The following UBE2H variants were observed in gnomAD, a reference collection of about 807,000 sequenced individuals.
UBE2H encodes the protein ubiquitin-conjugating enzyme E2 H.
UBE2H carries 3 observed loss-of-function variants against 29.0 expected under a neutral mutation model. The observed-to-expected ratio is 0.10, with a 90% CI of 0.05 to 0.27. The LOEUF (loss-of-function observed/expected upper bound fraction) is 0.27. Among genes scored for constraint, UBE2H ranks in the 10% least tolerant of loss-of-function variants. The probability of loss-of-function intolerance (pLI) is 1.00; values close to 1 mark genes in which losing one functional copy is unlikely to be tolerated. For synonymous variants in UBE2H, 69 were observed against 82.9 expected, an observed-to-expected ratio of 0.83 and a Z score of 0.91; for missense variants, 68 against 228.2, an observed-to-expected ratio of 0.30 and a Z score of 4.52.
intron 1 of UBE2H, among the ~76,000 whole-genome samples, chr7:129,902,902 G>A (rs541775284): frequency 3.3e-4 from 51 of 152,258 alleles, no homozygotes; most frequent in East Asian, 1.9e-4. Context: ...ATGTTACATC[G>A]TTTAATCCTC....
chr7:129,842,450 AAAT>A (rs1805445203), intron 5 of UBE2H, among the ~76,000 whole-genome samples: 1 of 152,218 alleles, frequency 6.6e-6, no homozygotes, highest in African/African-American at 2.4e-5. Flanking sequence ...AATAAAATAA[AAAT>A]AACATTTTCC....
At chr7:129,931,206 A>G (rs1807387657) in intron 1 of UBE2H, among the ~76,000 whole-genome samples, 1 of 148,700 alleles carries the variant, frequency 6.7e-6, no homozygotes. Context: ...GGGCAACAAG[A>G]GCAAAACCCT....
intron 1 of UBE2H, among the ~76,000 whole-genome samples, chr7:129,915,496 T>C (rs1035851807): frequency 3.9e-5 from 6 of 152,296 alleles, no homozygotes; most frequent in Non-Finnish European, 7.4e-5. Context: ...ATTGCGCCAC[T>C]GCACTCCAGC....
At chr7:129,920,118 T>G (rs1408364633) in intron 1 of UBE2H, among the ~76,000 whole-genome samples, 2 of 152,236 alleles carry the variant, frequency 1.3e-5, no homozygotes, top group Non-Finnish European at 2.9e-5. Context: ...GAAGGGATAT[T>G]TATTCATATC....
chr7:129,940,726 C>T (rs903577754), intron 1 of UBE2H, among the ~76,000 whole-genome samples: 1 of 152,286 alleles, frequency 6.6e-6, no homozygotes, highest in East Asian at 1.9e-4. Context: ...GCAGATACCC[C>T]CTTGAGCACC....
At chr7:129,912,084 G>A (rs1234735824) in intron 1 of UBE2H, among the ~76,000 whole-genome samples, 2 of 152,148 alleles carry the variant, frequency 1.3e-5, no homozygotes, top group African/African-American at 4.8e-5. Context: ...AATTTAAAAT[G>A]TTCCTTCAGT....
At chr7:129,845,324 AC>A in intron 5 of UBE2H, among the ~76,000 whole-genome samples, 2 of 152,326 alleles carry the variant, frequency 1.3e-5, no homozygotes, top group Admixed American at 1.3e-4. Context: ...TGTGTGTGAT[AC>A]AGACATCTGT....
chr7:129,949,109 C>A, intron 1 of UBE2H: 1 of 447,360 alleles, frequency 2.2e-6, no homozygotes. Flanking sequence ...GCCACTGGTT[C>A]ACAGATGAAA....
At chr7:129,925,331 A>G (rs1807244271) in intron 1 of UBE2H, among the ~76,000 whole-genome samples, 1 of 151,988 alleles carries the variant, frequency 6.6e-6, no homozygotes, top group Non-Finnish European at 1.5e-5. Context: ...TGGGCAACAG[A>G]GCAAGACTCA....
intron 1 of UBE2H, among the ~76,000 whole-genome samples, chr7:129,889,663 G>T (rs562640007): frequency 1.3e-5 from 2 of 152,246 alleles, no homozygotes; most frequent in African/African-American, 4.8e-5. Context: ...GTTCACAGAA[G>T]AGTACCCAGC....
At chr7:129,876,509 T>C (rs1206373510) in intron 3 of UBE2H, among the ~76,000 whole-genome samples, 1 of 152,218 alleles carries the variant, frequency 6.6e-6, no homozygotes, top group Non-Finnish European at 1.5e-5. Context: ...TTCAGCGATG[T>C]TATAGTTGAT....
rs148364173 is a variant in UBE2H at position 129,852,461 on chromosome 7, C to T, written c.298+5050G>A. On this transcript the variant is annotated intron_variant, in intron 5 of 6. Transcript: ENST00000355621. ...CAGCCTGGGCGACAGAGCGAGACTC[C>T]GTCTCAAAAAAAAAAAAAAATTTGT... Among the ~76,000 whole-genome samples, 250 of 141,048 alleles carry T rather than the reference C, an allele frequency of 1.8e-3. 2 individuals carry two copies. The highest frequency in any genetic ancestry group is 0.016 in the South Asian group (75 of 4,626). 92.5% of individuals were successfully genotyped at this position (141,048 alleles called of 152,430 possible). A position where few individuals can be genotyped will look rare whatever the true frequency, so the allele number is the denominator to read the frequency against.
intron 1 of UBE2H, among the ~76,000 whole-genome samples, chr7:129,947,023 C>T (rs1371814617): frequency 2.0e-5 from 3 of 147,032 alleles, no homozygotes; most frequent in Non-Finnish European, 4.5e-5. Flanking sequence ...GGTCAAGGGG[C>T]TAAGAAAATT....
intron 1 of UBE2H, among the ~76,000 whole-genome samples, chr7:129,897,253 A>T (rs573025523): frequency 1.3e-5 from 2 of 152,342 alleles, no homozygotes; most frequent in Admixed American, 1.3e-4. Flanking sequence ...TCAAATACCT[A>T]TAAATCCAGA....
chr7:129,885,294 CTTAAA>C (rs2116383917), intron 1 of UBE2H, among the ~76,000 whole-genome samples: 1 of 152,272 alleles, frequency 6.6e-6, no homozygotes, highest in Non-Finnish European at 1.5e-5. Flanking sequence ...CAAAAGAAGT[CTTAAA>C]TTAATTTTAT....
chr7:129,939,369 T>C (rs1807596393), intron 1 of UBE2H, among the ~76,000 whole-genome samples: 1 of 152,152 alleles, frequency 6.6e-6, no homozygotes. Context: ...AGTTTCCTTC[T>C]TTCGGAATAC....
At chr7:129,922,958 G>A (rs1388411003) in intron 1 of UBE2H, among the ~76,000 whole-genome samples, 2 of 151,914 alleles carry the variant, frequency 1.3e-5, no homozygotes, top group East Asian at 1.9e-4. Context: ...TTGGAGTGCA[G>A]TGGCATGATC....
At chr7:129,948,009 C>T (rs1429260566) in intron 1 of UBE2H, among the ~76,000 whole-genome samples, 2 of 152,142 alleles carry the variant, frequency 1.3e-5, no homozygotes, top group African/African-American at 2.4e-5. Context: ...CGCACCATCA[C>T]GCCTGGCTAA....
intron 3 of UBE2H, among the ~76,000 whole-genome samples, chr7:129,861,830 G>C (rs911841551): frequency 1.3e-5 from 2 of 152,192 alleles, no homozygotes; most frequent in African/African-American, 4.8e-5. Context: ...GGTGGCTGCA[G>C]TGAGCCGAGA....
Sources: gnomAD v4.1 joint callset for allele counts (sites outside exome capture counted in the v4.1 genomes callset) on GRCh38, gnomAD v4.1.1 for gene constraint, MANE v1.5 for transcripts, NCBI Gene and HGNC (gene_info 2026-07-23, HGNC 2026-07-21) for gene names.